SLC39A12: variants seen among roughly 807,000 people sequenced by gnomAD.
SLC39A12 encodes solute carrier family 39 member 12, also known as zinc transporter ZIP12.
SLC39A12 carries 63 observed loss-of-function variants against 71.1 expected under a neutral mutation model. The observed-to-expected ratio is 0.89, with a 90% CI of 0.72 to 1.09. SLC39A12 has a LOEUF of 1.09. Ranked by LOEUF, SLC39A12 falls within the 50% of genes least tolerant of loss-of-function variation. The probability of loss-of-function intolerance (pLI) is 0.00; values close to 1 mark genes in which losing one functional copy is unlikely to be tolerated. For synonymous variants in SLC39A12, 351 were observed against 301.3 expected (o/e 1.16, Z -1.71); for missense variants, 892 against 812.6 (o/e 1.10, Z -1.19).
intron 4 of SLC39A12, 99 bp downstream of exon 4, chr10:17,965,789 G>C: frequency 1.0e-6 from 1 of 995,484 alleles, no homozygotes; most frequent in South Asian, 1.6e-5. Flanking sequence ...ATTCGTTCAG[G>C]TATGTTTTAA....
At position 17,991,317 on chromosome 10, in the gene SLC39A12, TTTTA is replaced by T; in HGVS notation, c.1422+18_1422+21del. 1 of 1,560,322 alleles carries T rather than the reference TTTTA, an allele frequency of 6.4e-7. No individual in the cohort carries two copies. The highest frequency in any genetic ancestry group is 8.6e-7 in the Non-Finnish European group (1 of 1,159,002). ...CCAAATGACAAGGTATATTTTTAAG[TTTTA>T]TTTGTCTTGTGCTTTAAAGTCTTAT... On this transcript the variant is annotated intron_variant, in intron 8 of 12. Transcript: ENST00000377369.
At chr10:18,009,385 GC>G (rs1836134327) in intron 12 of SLC39A12, among the ~76,000 whole-genome samples, 1 of 152,122 alleles carries the variant, frequency 6.6e-6, no homozygotes, top group Non-Finnish European at 1.5e-5. Flanking sequence ...ATAAAACATA[GC>G]CCAGGTGCCC....
chr10:17,970,680 G>A (rs913071965), intron 4 of SLC39A12, among the ~76,000 whole-genome samples: 3 of 55,968 alleles, frequency 5.4e-5, no homozygotes, highest in African/African-American at 4.1e-4. Context: ...TAGTTTGTGT[G>A]TGTGTGTGTG....
chr10:17,991,389 A>G (rs1471222970), intron 8 of SLC39A12, 86 bp downstream of exon 8: 5 of 1,171,352 alleles, frequency 4.3e-6, no homozygotes, highest in Non-Finnish European at 5.8e-6. Context: ...TTCAAAAGTA[A>G]TGAAGTTGCC....
At chr10:18,016,368 C>T (rs575126393) in intron 12 of SLC39A12, among the ~76,000 whole-genome samples, 5 of 152,142 alleles carry the variant, frequency 3.3e-5, no homozygotes, top group Non-Finnish European at 5.9e-5. Flanking sequence ...TTTTACAGTT[C>T]GATAGTTCAT....
chr10:17,977,059 C>T (rs1419300352), intron 4 of SLC39A12, among the ~76,000 whole-genome samples: 1 of 152,002 alleles, frequency 6.6e-6, no homozygotes, highest in African/African-American at 2.4e-5. Context: ...TTCTTCTGCC[C>T]TCTCAAATAT....
intron 12 of SLC39A12, among the ~76,000 whole-genome samples, chr10:18,012,815 A>G (rs1289097491): frequency 2.0e-5 from 3 of 150,050 alleles, no homozygotes. Flanking sequence ...GCAGTAAGCC[A>G]AGATCGCACC....
chr10:18,016,690 A>C (rs550187238), intron 12 of SLC39A12, among the ~76,000 whole-genome samples: 3 of 152,310 alleles, frequency 2.0e-5, no homozygotes, highest in Admixed American at 6.5e-5. Context: ...GTTGCTCTAC[A>C]TCCTCACCAG....
chr10:17,980,362 CA>C (rs1203310761), intron 5 of SLC39A12, among the ~76,000 whole-genome samples: 68 of 152,158 alleles, frequency 4.5e-4, no homozygotes, highest in Non-Finnish European at 4.1e-4. Context: ...TACAGTGTGG[CA>C]AACCAAATCA....
chr10:18,003,991 G>T (rs539307538), intron 12 of SLC39A12, among the ~76,000 whole-genome samples: 1 of 152,266 alleles, frequency 6.6e-6, no homozygotes, highest in South Asian at 2.1e-4. Flanking sequence ...AAATTGCAAC[G>T]TATGTTTCCT....
At chr10:17,966,377 C>T (rs910581399) in intron 4 of SLC39A12, among the ~76,000 whole-genome samples, 1 of 152,026 alleles carries the variant, frequency 6.6e-6, no homozygotes, top group African/African-American at 2.4e-5. Flanking sequence ...GTGGTGGGAC[C>T]GTAATTCACT....
At chr10:18,003,108 T>TG in intron 11 of SLC39A12, 63 bp from the exon 12 acceptor site, 1 of 1,484,558 alleles carries the variant, frequency 6.7e-7, no homozygotes, top group Non-Finnish European at 9.2e-7. Flanking sequence ...AATAGTGCGT[T>TG]ACTTTAGCAA....
chr10:18,019,542 A>C (rs1415788799), intron 12 of SLC39A12, among the ~76,000 whole-genome samples: 1 of 152,050 alleles, frequency 6.6e-6, no homozygotes, highest in Non-Finnish European at 1.5e-5. Context: ...TCTGAAATTC[A>C]ATGCTCTGAA....
At chr10:18,011,468 T>G (rs986892071) in intron 12 of SLC39A12, among the ~76,000 whole-genome samples, 2 of 152,224 alleles carry the variant, frequency 1.3e-5, no homozygotes, top group African/African-American at 4.8e-5. Flanking sequence ...ACACAGAGCA[T>G]ATAAAATATG....
chr10:18,011,093 T>G (rs1296102850), intron 12 of SLC39A12, among the ~76,000 whole-genome samples: 1 of 152,104 alleles, frequency 6.6e-6, no homozygotes, highest in Non-Finnish European at 1.5e-5. Flanking sequence ...CCTTCCTTCC[T>G]TCCTTTCTTT....
rs1359484942 is a variant in SLC39A12 at position 18,032,881 on chromosome 10, G to A, written c.1948-9824G>A. On this transcript the variant is annotated intron_variant, in intron 12 of 12. Transcript: ENST00000377369. ...TGAAGGGTTGTTGAATTTTGTCAAA[G>A]GCTTTTTCTGCATCTATTGAGATAA... Among the ~76,000 whole-genome samples the A allele has an allele frequency of 3.2e-3, 405 of 127,638 alleles. 2 individuals carry two copies. The highest frequency in any genetic ancestry group is 0.012 in the African/African-American group (373 of 32,266). 83.7% of individuals were successfully genotyped at this position (127,638 alleles called of 152,430 possible).
At chr10:18,034,879 A>C (rs1425558451) in intron 12 of SLC39A12, among the ~76,000 whole-genome samples, 5 of 151,228 alleles carry the variant, frequency 3.3e-5, no homozygotes, top group Non-Finnish European at 4.4e-5. Context: ...CTTGTCTGTA[A>C]AGTATTTTAT....
intron 7 of SLC39A12, among the ~76,000 whole-genome samples, chr10:17,988,336 C>T (rs191725799): frequency 1.2e-3 from 187 of 152,126 alleles, no homozygotes; most frequent in African/African-American, 4.4e-3. Context: ...GTTAGTTCAC[C>T]CAAGACCTGG....
chr10:17,972,043 T>C (rs1012915629), intron 4 of SLC39A12, among the ~76,000 whole-genome samples: 1 of 152,190 alleles, frequency 6.6e-6, no homozygotes, highest in Non-Finnish European at 1.5e-5. Flanking sequence ...CATTATCATT[T>C]GTTTCAAGAC....
Sources: allele counts gnomAD v4.1 joint callset (sites outside exome capture counted in the v4.1 genomes callset), GRCh38; gene constraint gnomAD v4.1.1; transcripts MANE v1.5; gene names NCBI Gene and HGNC (gene_info 2026-07-23, HGNC 2026-07-21).